Variants in SLC44A1 observed in about 807,000 individuals in gnomAD.
The protein encoded by SLC44A1 is choline transporter-like protein 1.
In SLC44A1, 26 loss-of-function variants were observed where a neutral mutation model predicts 79.3. The observed-to-expected ratio is 0.33, with a 90% CI of 0.24 to 0.46. The LOEUF is 0.46. Ranked by LOEUF, SLC44A1 falls within the 20% of genes least tolerant of loss-of-function variation. The pLI, the probability that SLC44A1 is intolerant of heterozygous loss-of-function variation, is 1.00. For synonymous variants in SLC44A1, 263 were observed against 286.2 expected (o/e 0.92, Z 0.82); for missense variants, 688 against 798.1 (o/e 0.86, Z 1.66).
At chr9:105,378,845 T>C (rs1437241380) in intron 13 of SLC44A1, among the ~76,000 whole-genome samples, 1 of 152,238 alleles carries the variant, frequency 6.6e-6, no homozygotes, top group Non-Finnish European at 1.5e-5. Context: ...GTTCAACTAA[T>C]AGATCATAAT....
chr9:105,434,262 C>A (rs111299156), intron 15 of SLC44A1, among the ~76,000 whole-genome samples: 3,688 of 152,072 alleles, frequency 0.024, 124 homozygotes, highest in African/African-American at 0.083. Context: ...GTCATTTGAA[C>A]CCCTGGAGAC....
At chr9:105,252,518 G>A (rs897011603) in intron 1 of SLC44A1, among the ~76,000 whole-genome samples, 1 of 152,138 alleles carries the variant, frequency 6.6e-6, no homozygotes, top group Non-Finnish European at 1.5e-5. Flanking sequence ...CAGCTTGTCT[G>A]TTGAAGGTAT....
At chr9:105,407,464 G>A (rs1829043165) in intron 15 of SLC44A1, among the ~76,000 whole-genome samples, 2 of 152,166 alleles carry the variant, frequency 1.3e-5, no homozygotes, top group Admixed American at 1.3e-4. Context: ...TCCTTAATAA[G>A]ATTATTCCCT....
rs1169044812 is a variant in SLC44A1 at position 105,395,138 on chromosome 9, T to C, written c.*6082T>C. On this transcript the variant is annotated 3_prime_UTR_variant, in exon 16 of 16. Coordinates refer to ENST00000374720, the MANE Select transcript of SLC44A1 (RefSeq NM_080546.5). ...TTTCAGGCTGAAGAAAGTGGAAATA[T>C]AACTGGCTGGTGAAGAAAGGAGAAA... 3.0e-6 allele frequency: 3 copies of C among 985,380 alleles called. No individual in the cohort carries two copies. Among genetic ancestry groups the C allele is most frequent in the Non-Finnish European group, 3.6e-6 (3 of 829,980 alleles). The allele number at this position is 985,380 out of a possible 1,614,324, so 61.0% of individuals were successfully genotyped here.
intron 1 of SLC44A1, among the ~76,000 whole-genome samples, chr9:105,256,112 A>C (rs1829698875): frequency 6.6e-6 from 1 of 152,010 alleles, no homozygotes. Context: ...TCCCAGACTC[A>C]AGCAATCCTC....
chr9:105,410,571 G>T (rs1192715862), intron 15 of SLC44A1, among the ~76,000 whole-genome samples: 2 of 152,182 alleles, frequency 1.3e-5, no homozygotes, highest in Admixed American at 6.5e-5. Flanking sequence ...ACAATAAGAA[G>T]TGTTGACGAG....
chr9:105,407,741 A>G (rs1829046593), intron 15 of SLC44A1, among the ~76,000 whole-genome samples: 1 of 151,794 alleles, frequency 6.6e-6, no homozygotes. Context: ...GTGATGGCAC[A>G]TGTCTGTAAT....
intron 3 of SLC44A1, among the ~76,000 whole-genome samples, chr9:105,332,118 CTTTTTTT>C (rs34173274): frequency 7.8e-6 from 1 of 128,242 alleles, no homozygotes; most frequent in Non-Finnish European, 1.7e-5. Flanking sequence ...TTCTTTGTTT[CTTTTTTT>C]TTTTTTTTTT....
intron 1 of SLC44A1, among the ~76,000 whole-genome samples, chr9:105,246,237 T>TAA (rs1829443731): frequency 1.3e-5 from 2 of 152,212 alleles, no homozygotes; most frequent in Non-Finnish European, 2.9e-5. Context: ...TGACTATATA[T>TAA]AACTCAGTTT....
At chr9:105,358,563 T>G in intron 7 of SLC44A1, 130 bp downstream of exon 7, 1 of 631,048 alleles carries the variant, frequency 1.6e-6, no homozygotes, top group Non-Finnish European at 2.8e-6. Flanking sequence ...AATTTTTGCC[T>G]TAAAATTTCT....
At chr9:105,269,033 T>G (rs1450247887) in intron 1 of SLC44A1, among the ~76,000 whole-genome samples, 1 of 152,236 alleles carries the variant, frequency 6.6e-6, no homozygotes, top group Non-Finnish European at 1.5e-5. Context: ...CCCCAAGAAA[T>G]TTAAAGCTGT....
chr9:105,394,815 T>A lies in SLC44A1; in HGVS notation c.*5759T>A. ...GCAAAAGATGTTTTTTCTTCCTGCATAAATCACGGAGGTGTGTTCTGTTTT... is the reference window on the plus strand; with the variant it reads ...GCAAAAGATGTTTTTTCTTCCTGCAAAAATCACGGAGGTGTGTTCTGTTTT... On this transcript the variant is annotated 3_prime_UTR_variant, in exon 16 of 16. Transcript: ENST00000374720. 1.0e-6 allele frequency: 1 copy of A among 985,456 alleles called. No individual in the cohort carries two copies. The highest frequency in any genetic ancestry group is 1.2e-6 in the Non-Finnish European group (1 of 829,932). 61.0% of individuals were successfully genotyped at this position (985,456 alleles called of 1,614,324 possible).
intron 15 of SLC44A1, among the ~76,000 whole-genome samples, chr9:105,433,061 G>A (rs35754489): frequency 0.041 from 6,213 of 152,130 alleles, 193 homozygotes; most frequent in African/African-American, 0.093. Flanking sequence ...TTGGGAGGCC[G>A]AAGCGGGGTG....
At chr9:105,259,470 G>T (rs1408846893) in intron 1 of SLC44A1, among the ~76,000 whole-genome samples, 1 of 152,162 alleles carries the variant, frequency 6.6e-6, no homozygotes, top group Non-Finnish European at 1.5e-5. Flanking sequence ...AATGATTAGT[G>T]TGCACATTAA....
At chr9:105,363,316 C>A (rs1281480889) in intron 9 of SLC44A1, among the ~76,000 whole-genome samples, 10 of 152,078 alleles carry the variant, frequency 6.6e-5, no homozygotes, top group African/African-American at 2.2e-4. Flanking sequence ...GCACATGCCA[C>A]CATGCCTGGC....
In SLC44A1 at chr9:105,365,557, T is replaced by G; in HGVS notation, c.1328T>G (p.Val443Gly). The change falls in exon 11 of 16, where the codon GTG (valine) becomes GGG (glycine). Residue 443 changes from valine (V) to glycine (G), a missense_variant. Physicochemically the swap from Val to Gly is moderately radical, Grantham distance 109 (BLOSUM62 -3). Transcript: ENST00000374720. Reference protein sequence around the residue: ...NRLIRYHLGTVAKGSFIITLV... With the variant: ...NRLIRYHLGTGAKGSFIITLV... ...CTTATTCGTTACCACCTAGGTACGGTGGCAAAAGGATCTTTCATTATCACA... is the reference window on the plus strand; with the variant it reads ...CTTATTCGTTACCACCTAGGTACGGGGGCAAAAGGATCTTTCATTATCACA... The G allele has an allele frequency of 6.2e-7, 1 of 1,613,522 alleles. No individual in the cohort carries two copies. The highest frequency in any genetic ancestry group is 1.1e-5 in the South Asian group (1 of 91,056).
rs1049105640 is a variant in SLC44A1 at position 105,395,949 on chromosome 9, A to G, written c.*6893A>G. On this transcript the variant is annotated 3_prime_UTR_variant, in exon 16 of 16. Coordinates refer to ENST00000374720, the MANE Select transcript of SLC44A1 (RefSeq NM_080546.5). ...TTAGATACCCCACAGGAATGTGACAATAATAGGATAGCTTTGGGGGCTGGT... is the reference window on the plus strand; with the variant it reads ...TTAGATACCCCACAGGAATGTGACAGTAATAGGATAGCTTTGGGGGCTGGT... 9.1e-6 allele frequency: 9 copies of G among 984,606 alleles called. No homozygotes were observed. Among genetic ancestry groups the G allele is most frequent in the African/African-American group, 5.3e-5 (3 of 57,002 alleles). The allele number at this position is 984,606 out of a possible 1,614,324, so 61.0% of individuals were successfully genotyped here.
chr9:105,282,166 G>GT (rs902006478), intron 1 of SLC44A1, among the ~76,000 whole-genome samples: 3 of 151,890 alleles, frequency 2.0e-5, no homozygotes, highest in Non-Finnish European at 4.4e-5. Context: ...GGGTGTGGAG[G>GT]TTTATAGATA....
At chr9:105,270,061 A>C (rs1830043381) in intron 1 of SLC44A1, among the ~76,000 whole-genome samples, 2 of 152,194 alleles carry the variant, frequency 1.3e-5, no homozygotes, top group Admixed American at 1.3e-4. Context: ...TTAAAGTGTT[A>C]AAATTTATTG....
Sources: allele counts gnomAD v4.1 joint callset (sites outside exome capture counted in the v4.1 genomes callset), GRCh38; gene constraint gnomAD v4.1.1; transcripts MANE v1.5; gene names NCBI Gene and HGNC (gene_info 2026-07-23, HGNC 2026-07-21).